The following FYCO1 variants were observed in gnomAD, a reference collection of about 807,000 sequenced individuals.
FYCO1 encodes FYVE and coiled-coil domain autophagy adaptor 1.
In FYCO1, 122 loss-of-function variants were observed where a neutral mutation model predicts 165.1. The observed-to-expected ratio is 0.74, with a 90% CI of 0.64 to 0.86. The LOEUF (loss-of-function observed/expected upper bound fraction) is 0.86, where lower values mean the gene tolerates loss of function less well. FYCO1 is among the 40% of genes least tolerant of loss of function. The pLI is 0.00. For missense variants in FYCO1, 1,702 were observed against 1,810.3 expected, an observed-to-expected ratio of 0.94 and a Z score of 1.09; for synonymous variants, 648 against 742.5, an observed-to-expected ratio of 0.87 and a Z score of 2.07.
chr3:45,955,124 C>A, intron 14 of FYCO1, 125 bp downstream of exon 14: 1 of 1,163,438 alleles, frequency 8.6e-7, no homozygotes, highest in African/African-American at 1.5e-5. Context: ...ATCGCAAGCA[C>A]TGTTCCCTTA....
At chr3:45,982,707 A>G (rs561965465) in intron 2 of FYCO1, among the ~76,000 whole-genome samples, 3 of 152,348 alleles carry the variant, frequency 2.0e-5, no homozygotes, top group African/African-American at 7.2e-5. Context: ...CCCAAGAACC[A>G]TGGTTTGAAG....
At position 45,962,904 on chromosome 3, in the gene FYCO1, GC is replaced by G. The variant is rs139654490; in HGVS notation, c.3270-513del. Among the ~76,000 whole-genome samples, 1 of 152,136 alleles carries G rather than the reference GC, an allele frequency of 6.6e-6. No individual in the cohort carries two copies. Among genetic ancestry groups the G allele is most frequent in the African/African-American group, 2.4e-5 (1 of 41,414 alleles). On this transcript the variant is annotated intron_variant, in intron 10 of 17. Coordinates refer to ENST00000296137, the MANE Select transcript of FYCO1 (RefSeq NM_024513.4). The surrounding 1 kb of genome is among the most constrained non-coding windows in gnomAD (Gnocchi z 4.4). ...GCACTGCCAGCTGTTCTACCTGATAGCCCCCCTGAGGCCCAGGGAATTCCGT... is the reference window on the plus strand; with the variant it reads ...GCACTGCCAGCTGTTCTACCTGATAGCCCCCTGAGGCCCAGGGAATTCCGT...
chr3:45,940,099 T>C (rs1470646369), intron 14 of FYCO1, among the ~76,000 whole-genome samples: 1 of 152,262 alleles, frequency 6.6e-6, no homozygotes, highest in Non-Finnish European at 1.5e-5. Context: ...TTATTATTAT[T>C]GTATTAACTT....
At chr3:45,940,048 C>T (rs1263071821) in intron 14 of FYCO1, among the ~76,000 whole-genome samples, 1 of 152,230 alleles carries the variant, frequency 6.6e-6, no homozygotes, top group Non-Finnish European at 1.5e-5. Flanking sequence ...ACATCATATT[C>T]ACTCTGTGAT....
In FYCO1 at chr3:45,968,138, T is replaced by C; in HGVS notation, c.1196A>G (p.Glu399Gly). ...QEPIPSDAAQ[E>G]MQELGEKLQA... is the part of the protein sequence containing the mutation. ...AAGCTTCTCCCCTAGCTCCTGCATC[T>C]CCTGGGCCGCATCACTGGGAATAGG... Residue 399 changes from glutamate (E) to glycine (G), a missense_variant, in exon 8 of 18, where the codon GAG becomes GGG. Coordinates refer to ENST00000296137, the MANE Select transcript of FYCO1 (RefSeq NM_024513.4). 2 of 1,614,142 alleles carry C rather than the reference T, an allele frequency of 1.2e-6. No individual in the cohort carries two copies. Among genetic ancestry groups the C allele is most frequent in the Non-Finnish European group, 1.7e-6 (2 of 1,180,022 alleles).
intron 14 of FYCO1, chr3:45,947,267 C>T: frequency 1.2e-6 from 2 of 1,614,144 alleles, no homozygotes; most frequent in Non-Finnish European, 1.7e-6. Flanking sequence ...AATACTATGC[C>T]ATGACCAGCT....
In FYCO1 at chr3:45,993,087, T is replaced by C. The variant is rs374380294; in HGVS notation, c.-113+2635A>G. ...GGTCCCAGCCACAGGGCCACAATAC[T>C]ATACCCAAACCACAGATTCTCCTTA... On this transcript the variant is annotated intron_variant, in intron 1 of 17. Transcript: ENST00000296137. This position sits in a 1 kb window ranked among gnomAD's most constrained non-coding sequence, Gnocchi z 4.4. Among the ~76,000 whole-genome samples the C allele has an allele frequency of 5.6e-4, 85 of 152,294 alleles. No individual in the cohort carries two copies. The highest frequency in any genetic ancestry group is 1.9e-3 in the African/African-American group (79 of 41,554).
At chr3:45,952,756 G>A (rs892376809) in intron 14 of FYCO1, among the ~76,000 whole-genome samples, 3 of 152,208 alleles carry the variant, frequency 2.0e-5, no homozygotes, top group Non-Finnish European at 4.4e-5. Context: ...ACTCAGGCTA[G>A]AGGAAGCAAG....
Position 45,944,600 on chromosome 3 carries a change from G to A in FYCO1, c.3945-8057C>T, listed in dbSNP as rs1481153346. Among the ~76,000 whole-genome samples the A allele has an allele frequency of 1.2e-4, 18 of 152,070 alleles. 1 individual carries two copies. Among genetic ancestry groups the A allele is most frequent in the Admixed American group, 4.6e-4 (7 of 15,262 alleles). ...ATAAAGAAATGAATGTTTTTAGTTC[G>A]CCTAGAAGGGAAAGTAATTTTTCAT... On this transcript the variant is annotated intron_variant, in intron 14 of 17. Transcript: ENST00000296137.
intron 16 of FYCO1, 26 bp downstream of exon 16, chr3:45,931,045 C>T (rs1289160730): frequency 6.2e-7 from 1 of 1,603,906 alleles, no homozygotes; most frequent in Admixed American, 1.7e-5. Context: ...GTGTAAGGAG[C>T]CCACAGGCAG....
chr3:45,989,883 C>T (rs1707487951), intron 1 of FYCO1, among the ~76,000 whole-genome samples: 1 of 152,208 alleles, frequency 6.6e-6, no homozygotes, highest in Non-Finnish European at 1.5e-5. Context: ...GGCAGTTGCT[C>T]AAGGGAGGAG....
In FYCO1 at chr3:45,973,099, T is replaced by C. The variant is rs1237993301; in HGVS notation, c.528A>G (p.Pro176=). The change falls in exon 6 of 18, where the codon CCA becomes CCG. Residue 176 remains proline, a synonymous_variant. Transcript: ENST00000296137. The part of the protein sequence containing the change: ...SRGFDLDAAW[P]TFARRTLTTG... ...ATCCTTCAAAGTACCTGGCAAATGT[T>C]GGCCAGGCAGCATCCAAGTCAAAGC... 1.9e-6 allele frequency: 3 copies of C among 1,614,246 alleles called. No homozygotes were observed. The highest frequency in any genetic ancestry group is 2.5e-6 in the Non-Finnish European group (3 of 1,180,032).
At chr3:45,952,110 A>C (rs1434954388) in intron 14 of FYCO1, among the ~76,000 whole-genome samples, 1 of 152,044 alleles carries the variant, frequency 6.6e-6, no homozygotes, top group African/African-American at 2.4e-5. Flanking sequence ...AAAATGAGAT[A>C]ATTTCCACTC....
At chr3:45,937,253 T>G (rs1703947215) in intron 14 of FYCO1, among the ~76,000 whole-genome samples, 1 of 152,136 alleles carries the variant, frequency 6.6e-6, no homozygotes, top group African/African-American at 2.4e-5. Flanking sequence ...AAAGAAAAAA[T>G]GGCTTTGCCC....
rs145238648 is a variant in FYCO1 at position 45,967,401 on chromosome 3, C to T, written c.1933G>A (p.Asp645Asn). ...LEGKLQALQA[D>N]YQALQQRESA... The stretch of plus-strand genomic sequence containing the variant: ...TCCCGCTGCTGCAAAGCCTGGTAAT[C>T]GGCCTGCAGGGCTTGCAGCTTGCCC... Residue 645 changes from aspartate (D) to asparagine (N), a missense_variant, in exon 8 of 18, where the codon GAT (aspartate) becomes AAT (asparagine). Asp to Asn is a conservative substitution (Grantham distance 23). Coordinates refer to ENST00000296137, the MANE Select transcript of FYCO1 (RefSeq NM_024513.4). The T allele has an allele frequency of 5.3e-5, 85 of 1,612,144 alleles. No homozygotes were observed. The highest frequency in any genetic ancestry group is 4.0e-5 in the African/African-American group (3 of 75,040).
intron 14 of FYCO1, among the ~76,000 whole-genome samples, chr3:45,938,563 G>T (rs1265609470): frequency 6.6e-6 from 1 of 152,182 alleles, no homozygotes; most frequent in African/African-American, 2.4e-5. Flanking sequence ...GCACGATCTT[G>T]GCTTACTGCA....
At chr3:45,954,497 C>G (rs1701509684) in intron 14 of FYCO1, among the ~76,000 whole-genome samples, 1 of 152,130 alleles carries the variant, frequency 6.6e-6, no homozygotes, top group Non-Finnish European at 1.5e-5. Flanking sequence ...TGAGTAAGAC[C>G]AGGAGCACAG....
chr3:45,932,256 A>G (rs964963079), intron 15 of FYCO1, among the ~76,000 whole-genome samples: 13 of 152,254 alleles, frequency 8.5e-5, no homozygotes, highest in African/African-American at 3.1e-4. Flanking sequence ...CAGAGCCTCC[A>G]GTGCAGAGCT....
chr3:45,961,569 C>T (rs1300063214), intron 11 of FYCO1, among the ~76,000 whole-genome samples: 1 of 150,512 alleles, frequency 6.6e-6, no homozygotes, highest in Non-Finnish European at 1.5e-5. Context: ...CAGAGTGAGA[C>T]TCTGTCTCAA....
Sources: gnomAD v4.1 joint callset for allele counts (sites outside exome capture counted in the v4.1 genomes callset) on GRCh38, gnomAD v4.1.1 for gene constraint, Gnocchi (gnomAD v3.1) non-coding constraint, MANE v1.5 for transcripts, NCBI Gene and HGNC (gene_info 2026-07-23, HGNC 2026-07-21) for gene names.